Variants in GRID2 observed in about 807,000 individuals in gnomAD.
GRID2 encodes glutamate receptor ionotropic, delta-2.
In GRID2, 33 loss-of-function variants were observed where a neutral mutation model predicts 114.8. That is an observed-to-expected ratio of 0.29 (90% confidence interval 0.22 to 0.38). The LOEUF (loss-of-function observed/expected upper bound fraction) is 0.38. Ranked by LOEUF, GRID2 falls within the 10% of genes least tolerant of loss-of-function variation. The pLI, the probability that GRID2 is intolerant of heterozygous loss-of-function variation, is 1.00. For synonymous variants in GRID2, 505 were observed against 449.9 expected (o/e 1.12, Z -1.55); for missense variants, 1,184 against 1,257.7 (o/e 0.94, Z 0.89).
intron 1 of GRID2, among the ~76,000 whole-genome samples, chr4:92,363,429 A>G (rs534275752): frequency 6.6e-6 from 1 of 152,158 alleles, no homozygotes; most frequent in South Asian, 2.1e-4. Flanking sequence ...TTTTAGTTAA[A>G]TAACATGAAA....
intron 6 of GRID2, among the ~76,000 whole-genome samples, chr4:93,218,947 T>G (rs1405735917): frequency 6.6e-6 from 1 of 152,110 alleles, no homozygotes; most frequent in Non-Finnish European, 1.5e-5. Context: ...ATCATGAGAA[T>G]AGCAAACGGA....
intron 2 of GRID2, among the ~76,000 whole-genome samples, chr4:92,821,453 A>G (rs1741274131): frequency 6.6e-6 from 1 of 151,996 alleles, no homozygotes; most frequent in South Asian, 2.1e-4. Context: ...GTATTTTTGT[A>G]GCTGTTTGTT....
chr4:92,469,664 T>C (rs1215209208), intron 1 of GRID2, among the ~76,000 whole-genome samples: 1 of 150,892 alleles, frequency 6.6e-6, no homozygotes, highest in Non-Finnish European at 1.5e-5. Context: ...AAAAAGAGAG[T>C]AATAGAAAGA....
At chr4:93,681,778 T>C (rs910773794) in intron 14 of GRID2, among the ~76,000 whole-genome samples, 2 of 152,180 alleles carry the variant, frequency 1.3e-5, no homozygotes, top group Non-Finnish European at 2.9e-5. Flanking sequence ...CAAAAATTAA[T>C]TCAAGTTGGA....
intron 2 of GRID2, among the ~76,000 whole-genome samples, chr4:92,740,709 T>C (rs935230233): frequency 3.8e-5 from 3 of 79,546 alleles, no homozygotes; most frequent in African/African-American, 8.0e-5. Context: ...GATAGATAGA[T>C]AGATAGATAG....
At chr4:93,690,437 T>TA (rs1726461238) in intron 14 of GRID2, among the ~76,000 whole-genome samples, 1 of 152,118 alleles carries the variant, frequency 6.6e-6, no homozygotes, top group African/African-American at 2.4e-5. Flanking sequence ...TATTTGTGTA[T>TA]AAAACTCTTC....
chr4:93,728,266 G>C (rs1730132666), intron 14 of GRID2, among the ~76,000 whole-genome samples: 1 of 152,132 alleles, frequency 6.6e-6, no homozygotes, highest in Non-Finnish European at 1.5e-5. Flanking sequence ...TCAGAAGCAG[G>C]TTGTTCAGTT....
At chr4:93,249,694 C>G (rs1470526403) in intron 8 of GRID2, among the ~76,000 whole-genome samples, 1 of 151,866 alleles carries the variant, frequency 6.6e-6, no homozygotes, top group Admixed American at 6.6e-5. Context: ...AGGATATGAG[C>G]AGACACTGCT....
At chr4:93,227,930 A>G (rs1357191068) in intron 7 of GRID2, among the ~76,000 whole-genome samples, 1 of 152,198 alleles carries the variant, frequency 6.6e-6, no homozygotes, top group Non-Finnish European at 1.5e-5. Context: ...ATAAACTCTT[A>G]AGAAGATTCA....
chr4:93,749,769 T>A (rs1340839343), intron 14 of GRID2, among the ~76,000 whole-genome samples: 1 of 152,202 alleles, frequency 6.6e-6, no homozygotes, highest in Non-Finnish European at 1.5e-5. Context: ...ACCCTCACAA[T>A]GCTTTTTGCT....
intron 1 of GRID2, among the ~76,000 whole-genome samples, chr4:92,368,015 C>T (rs1280044265): frequency 6.6e-6 from 1 of 151,870 alleles, no homozygotes; most frequent in Admixed American, 6.6e-5. Flanking sequence ...GAGAAAGAAG[C>T]GATAGTAGCC....
At chr4:93,745,824 TTTTG>T (rs750673925) in intron 14 of GRID2, among the ~76,000 whole-genome samples, 32 of 152,316 alleles carry the variant, frequency 2.1e-4, no homozygotes, top group African/African-American at 6.3e-4. Context: ...TTTATTTCTT[TTTTG>T]TTTGTTTGTT....
At chr4:92,762,573 C>A (rs942236648) in intron 2 of GRID2, among the ~76,000 whole-genome samples, 1 of 152,116 alleles carries the variant, frequency 6.6e-6, no homozygotes, top group African/African-American at 2.4e-5. Flanking sequence ...AACTCAGCTT[C>A]AGAAGGAATG....
At chr4:92,960,035 G>A (rs892282654) in intron 2 of GRID2, among the ~76,000 whole-genome samples, 1 of 151,784 alleles carries the variant, frequency 6.6e-6, no homozygotes, top group African/African-American at 2.4e-5. Flanking sequence ...AGAAAAAAAG[G>A]GGTGTATTTG....
intron 1 of GRID2, among the ~76,000 whole-genome samples, chr4:92,477,050 TG>T (rs1722349935): frequency 1.8e-5 from 1 of 54,586 alleles, no homozygotes; most frequent in Non-Finnish European, 4.1e-5. Flanking sequence ...TGTGTGTGTG[TG>T]TGTGTGTGTG....
At chr4:93,332,694 T>C (rs1426411131) in intron 8 of GRID2, among the ~76,000 whole-genome samples, 5 of 152,090 alleles carry the variant, frequency 3.3e-5, no homozygotes, top group Admixed American at 3.3e-4. Flanking sequence ...TTAAGAGGCA[T>C]AGGAATATGT....
intron 1 of GRID2, among the ~76,000 whole-genome samples, chr4:92,505,682 G>C (rs908414201): frequency 6.6e-6 from 1 of 152,030 alleles, no homozygotes; most frequent in Non-Finnish European, 1.5e-5. Context: ...TGTTATTGCA[G>C]ATGTTAATCA....
At chr4:93,542,354 G>C (rs1245305727) in intron 13 of GRID2, among the ~76,000 whole-genome samples, 8 of 152,058 alleles carry the variant, frequency 5.3e-5, no homozygotes, top group Non-Finnish European at 5.9e-5. Context: ...TTTCTCCTTG[G>C]TTTCAATAAT....
chr4:93,471,460 G>A (rs1724793288), intron 11 of GRID2, among the ~76,000 whole-genome samples: 1 of 151,874 alleles, frequency 6.6e-6, no homozygotes, highest in Admixed American at 6.6e-5. Context: ...TAGGTCTGAG[G>A]GGTCTGAAGA....
Sources: gnomAD v4.1 joint callset for allele counts (sites outside exome capture counted in the v4.1 genomes callset) on GRCh38, gnomAD v4.1.1 for gene constraint, MANE v1.5 for transcripts, NCBI Gene and HGNC (gene_info 2026-07-23, HGNC 2026-07-21) for gene names.